The following BDNF variants were observed in gnomAD, a reference collection of about 807,000 sequenced individuals.
BDNF encodes neurotrophic factor BDNF precursor form.
BDNF carries 1 observed loss-of-function variant against 19.5 expected under a neutral mutation model. The observed-to-expected ratio is 0.05, with a 90% CI of 0.02 to 0.24. BDNF has a LOEUF of 0.24. Among genes scored for constraint, BDNF ranks in the 10% least tolerant of loss-of-function variants. The pLI, the probability that BDNF is intolerant of heterozygous loss-of-function variation, is 1.00. For synonymous variants in BDNF, 100 were observed against 121.6 expected, an observed-to-expected ratio of 0.82 and a Z score of 1.17; for missense variants, 195 against 317.6, an observed-to-expected ratio of 0.61 and a Z score of 2.93.
At chr11:27,659,552 A>C (rs1853060920) in intron 1 of BDNF, 1 of 998,958 alleles carries the variant, frequency 1.0e-6, no homozygotes, top group African/African-American at 1.8e-5. Context: ...AAAACCCTTC[A>C]CTCCTTGGCT....
At position 27,689,313 on chromosome 11, in the gene BDNF, G is replaced by A. The variant is rs144990442; in HGVS notation, c.-22+10851C>T. Among the ~76,000 whole-genome samples the A allele has an allele frequency of 3.3e-4, 50 of 152,298 alleles. 1 individual carries two copies. The East Asian group carries it at 8.5e-3, about 26-fold the overall frequency. ...GCTGTGCATTTTGGATTGCTATTTA[G>A]CTTCTCTAAGCTCCAGTTTCCTCCT... On this transcript the variant is annotated intron_variant, in intron 1 of 1. Transcript: ENST00000356660.
intron 1 of BDNF, among the ~76,000 whole-genome samples, chr11:27,678,441 G>T (rs1231386376): frequency 1.3e-5 from 2 of 152,216 alleles, no homozygotes; most frequent in East Asian, 3.9e-4. Context: ...ATCAAGAGCG[G>T]GCTGACTTGC....
chr11:27,701,015 A>G (rs1859866564), upstream of BDNF: 2 of 1,361,496 alleles, frequency 1.5e-6, no homozygotes, highest in Admixed American at 1.9e-5. Flanking sequence ...ACGCGAGCAC[A>G]CAATGAAATC....
rs931838828 is a variant in BDNF at position 27,658,933 on chromosome 11, C to A, written c.-21-348G>T. 2.7e-6 allele frequency: 3 copies of A among 1,127,518 alleles called. No homozygotes were observed. The highest frequency in any genetic ancestry group is 2.6e-5 in the South Asian group (1 of 38,404). 69.8% of individuals were successfully genotyped at this position (1,127,518 alleles called of 1,614,324 possible). A position where few individuals can be genotyped will look rare whatever the true frequency, so the allele number is the denominator to read the frequency against. On this transcript the variant is annotated intron_variant, in intron 1 of 1. Coordinates refer to ENST00000356660, the MANE Select transcript of BDNF (RefSeq NM_001709.5). This position sits in a 1 kb window ranked among gnomAD's most constrained non-coding sequence, Gnocchi z 5.7. Reference sequence around the variant, plus strand: ...TTAATGATCTCTGCTCATGCTGTCACGAGAAACACAAAATCATAAATGTTA... The same window carrying A: ...TTAATGATCTCTGCTCATGCTGTCAAGAGAAACACAAAATCATAAATGTTA...
intron 1 of BDNF, chr11:27,660,341 T>G: frequency 1.7e-6 from 1 of 596,546 alleles, no homozygotes; most frequent in South Asian, 1.8e-5. Flanking sequence ...TGCTTAGAAC[T>G]GCTTAGATTG....
intron 1 of BDNF, among the ~76,000 whole-genome samples, chr11:27,710,122 C>G (rs1413280650): frequency 1.3e-5 from 2 of 152,186 alleles, no homozygotes; most frequent in Non-Finnish European, 2.9e-5. Flanking sequence ...TGGGACGTAT[C>G]AAATCCATTA....
At chr11:27,682,754 C>T (rs182861873) in intron 1 of BDNF, among the ~76,000 whole-genome samples, 94 of 152,248 alleles carry the variant, frequency 6.2e-4, no homozygotes, top group Admixed American at 1.4e-3. Context: ...TTTTTTATGG[C>T]TGCATAGTAT....
chr11:27,674,850 G>T, intron 1 of BDNF: 5 of 926,084 alleles, frequency 5.4e-6, no homozygotes, highest in Non-Finnish European at 6.4e-6. Flanking sequence ...ATTTGTTGGT[G>T]ATAGGATTTT....
At chr11:27,668,840 A>G (rs536568614) in intron 1 of BDNF, among the ~76,000 whole-genome samples, 7 of 152,356 alleles carry the variant, frequency 4.6e-5, no homozygotes, top group African/African-American at 1.7e-4. Context: ...AGGTATAAGG[A>G]GGAGCTGGTA....
rs1440903179 is a variant in BDNF at position 27,657,210 on chromosome 11, C to G, written c.*611G>C. The G allele has an allele frequency of 8.1e-6, 8 of 984,096 alleles. No homozygotes were observed. The highest frequency in any genetic ancestry group is 9.7e-6 in the Non-Finnish European group (8 of 828,276). The allele number at this position is 984,096 out of a possible 1,614,324, so 61.0% of individuals were successfully genotyped here. A position where few individuals can be genotyped will look rare whatever the true frequency, so the allele number is the denominator to read the frequency against. On this transcript the variant is annotated 3_prime_UTR_variant, in exon 2 of 2. Transcript: ENST00000356660. This position sits in a 1 kb window ranked among gnomAD's most constrained non-coding sequence, Gnocchi z 5.0. The stretch of plus-strand genomic sequence containing the variant: ...TATTGTAGGAATTCTTTCCCCATCT[C>G]TACTCCCTGTGGGAACTAAAAAACA...
chr11:27,716,450 C>CACAGAG lies in BDNF; in HGVS notation c.3+4961_3+4962insCTCTGT, dbSNP rs1214205385. ...AGACACACACGCCCATACACACACA[C>CACAGAG]ACACAGACACACACACACACACACA... On this transcript the variant is annotated intron_variant, in intron 1 of 1. Coordinates refer to the BDNF transcript ENST00000314915. Among the ~76,000 whole-genome samples, 10 of 93,388 alleles carry CACAGAG rather than the reference C, an allele frequency of 1.1e-4. 1 individual carries two copies. The highest frequency in any genetic ancestry group is 1.1e-3 in the Admixed American group (8 of 7,494). 61.3% of individuals were successfully genotyped at this position (93,388 alleles called of 152,430 possible). A position where few individuals can be genotyped will look rare whatever the true frequency, so the allele number is the denominator to read the frequency against.
At chr11:27,687,573 C>T (rs1303171789) in intron 1 of BDNF, among the ~76,000 whole-genome samples, 7 of 152,158 alleles carry the variant, frequency 4.6e-5, no homozygotes, top group South Asian at 2.1e-4. Context: ...TTGATGTTGG[C>T]GACCTTTGTA....
intron 1 of BDNF, chr11:27,697,784 T>C (rs1325574370): frequency 6.6e-6 from 1 of 152,208 alleles, no homozygotes; most frequent in Non-Finnish European, 1.5e-5. Context: ...AACTTCCAGC[T>C]ACTAACTCAG....
intron 1 of BDNF, chr11:27,660,074 T>C (rs1356985624): frequency 3.9e-6 from 2 of 507,586 alleles, no homozygotes; most frequent in Non-Finnish European, 5.6e-6. Flanking sequence ...ATACATGCAA[T>C]GGCCATCATG....
intron 1 of BDNF, among the ~76,000 whole-genome samples, chr11:27,688,422 CTG>C (rs569402444): frequency 6.0e-4 from 91 of 152,312 alleles, no homozygotes; most frequent in African/African-American, 2.1e-3. Context: ...GTGAATGGTT[CTG>C]TCTCACTGGA....
rs539634077 is a variant in BDNF, at chr11:27,688,436, T to C, written c.-22+11728A>G. 2.0e-5 allele frequency among the ~76,000 whole-genome samples: 3 copies of C among 152,300 alleles called. No individual in the cohort carries two copies. The East Asian group carries it at 5.8e-4, about 29-fold the overall frequency. On this transcript the variant is annotated intron_variant, in intron 1 of 1. Transcript: ENST00000356660. Reference sequence around the variant, plus strand: ...AGTGAATGGTTCTGTCTCACTGGAATTTCAGGTGCCACTGGGGTATGAGAA... The same window carrying C: ...AGTGAATGGTTCTGTCTCACTGGAACTTCAGGTGCCACTGGGGTATGAGAA...
In BDNF at chr11:27,692,818, C is replaced by T. The variant is rs547834119; in HGVS notation, c.-22+7346G>A. On this transcript the variant is annotated intron_variant, in intron 1 of 1. Coordinates refer to ENST00000356660, the MANE Select transcript of BDNF (RefSeq NM_001709.5). ...AACACAAATTACACTTATGACAGTT[C>T]GTCAAATCTTTGAAGCCCATCCTCA... Among the ~76,000 whole-genome samples the T allele has an allele frequency of 8.6e-4, 131 of 152,214 alleles. 1 individual carries two copies. The highest frequency in any genetic ancestry group is 3.0e-3 in the African/African-American group (125 of 41,532).
At chr11:27,671,757 G>A (rs1855416332) in intron 1 of BDNF, among the ~76,000 whole-genome samples, 1 of 152,076 alleles carries the variant, frequency 6.6e-6, no homozygotes, top group Admixed American at 6.6e-5. Context: ...TTAACATAAA[G>A]TAGAAACTTC....
At chr11:27,674,051 G>C (rs1174001687) in intron 1 of BDNF, 9 of 1,593,702 alleles carry the variant, frequency 5.6e-6, no homozygotes, top group Non-Finnish European at 7.7e-6. Flanking sequence ...TTAGCTCTCT[G>C]TTACTCACCT....
Sources: allele counts gnomAD v4.1 joint callset (sites outside exome capture counted in the v4.1 genomes callset), GRCh38; gene constraint gnomAD v4.1.1; non-coding constraint Gnocchi (gnomAD v3.1); transcripts MANE v1.5; gene names NCBI Gene and HGNC (gene_info 2026-07-23, HGNC 2026-07-21).